Variants in SLA observed in about 807,000 individuals in gnomAD.
SLA encodes Src like adaptor.
SLA carries 16 observed loss-of-function variants against 30.3 expected under a neutral mutation model. That is an observed-to-expected ratio of 0.53 (90% CI 0.36 to 0.80). SLA has a LOEUF of 0.80. Ranked by LOEUF, SLA falls within the 30% of genes least tolerant of loss-of-function variation. The pLI is 0.01. For missense variants in SLA, 310 were observed against 345.2 expected, an observed-to-expected ratio of 0.90 and a Z score of 0.81; for synonymous variants, 143 against 137.8, an observed-to-expected ratio of 1.04 and a Z score of -0.26.
chr8:133,047,803 G>C, intron 6 of SLA, 27 bp downstream of exon 6: 1 of 1,252,082 alleles, frequency 8.0e-7, no homozygotes, highest in East Asian at 2.3e-5. Context: ...GCCCCGGATG[G>C]GGAAAGATGA....
At position 133,036,812 on chromosome 8, in the gene SLA, A is replaced by T. The variant is rs1007204877; in HGVS notation, c.*1712T>A. The stretch of plus-strand genomic sequence containing the variant: ...AAAGTGTAATGCTTCCCACTGAGAA[A>T]TCCCTCTGGGTGCTCCCCAAATGTT... On this transcript the variant is annotated 3_prime_UTR_variant, in exon 9 of 9. Coordinates refer to ENST00000338087, the MANE Select transcript of SLA (RefSeq NM_001045556.3). 1.3e-5 allele frequency: 2 copies of T among 152,666 alleles called. No homozygotes were observed. The highest frequency in any genetic ancestry group is 2.9e-5 in the Non-Finnish European group (2 of 68,052). The allele number at this position is 152,666 out of a possible 1,614,324, so 9.5% of individuals were successfully genotyped here.
intron 1 of SLA, among the ~76,000 whole-genome samples, chr8:133,086,213 T>C (rs1246913725): frequency 6.6e-6 from 1 of 152,114 alleles, no homozygotes; most frequent in Non-Finnish European, 1.5e-5. Flanking sequence ...GGGTGGAGAA[T>C]GGGGAATGAC....
chr8:133,054,999 C>T (rs1026059862), intron 3 of SLA, among the ~76,000 whole-genome samples: 6 of 152,104 alleles, frequency 3.9e-5, no homozygotes, highest in African/African-American at 1.2e-4. Flanking sequence ...ACAGAAAATA[C>T]GTGATTATTT....
chr8:133,097,117 GGCGT>G, intron 1 of SLA, among the ~76,000 whole-genome samples: 1 of 152,324 alleles, frequency 6.6e-6, no homozygotes, highest in South Asian at 2.1e-4. Context: ...GACAACTCTG[GGCGT>G]GGGTGGAGTG....
intron 5 of SLA, chr8:133,049,572 C>T (rs1488479638): frequency 9.2e-6 from 3 of 327,148 alleles, no homozygotes; most frequent in Non-Finnish European, 1.8e-5. Context: ...GGATTTGAAC[C>T]TAGACACACT....
At chr8:133,094,242 CTTTTTTT>C (rs765931953) in intron 1 of SLA, among the ~76,000 whole-genome samples, 1 of 126,574 alleles carries the variant, frequency 7.9e-6, no homozygotes, top group East Asian at 2.4e-4. Context: ...CTGTCGTTTT[CTTTTTTT>C]TTTTTTTTTT....
intron 1 of SLA, among the ~76,000 whole-genome samples, chr8:133,101,547 T>A (rs543242163): frequency 1.9e-4 from 29 of 151,906 alleles, no homozygotes; most frequent in South Asian, 1.3e-3. Flanking sequence ...TCCTGCCCCA[T>A]CTGGGGCTGA....
chr8:133,070,001 CAAAAAAAAAAAAAAA>C (rs71299047), intron 2 of SLA, among the ~76,000 whole-genome samples: 1 of 46,318 alleles, frequency 2.2e-5, no homozygotes, highest in Non-Finnish European at 3.4e-5. Context: ...GCTCCAGCTC[CAAAAAAAAAAAAAAA>C]AAAAAAAAAA....
At chr8:133,100,268 C>T (rs1849041652) in intron 1 of SLA, among the ~76,000 whole-genome samples, 1 of 152,182 alleles carries the variant, frequency 6.6e-6, no homozygotes, top group Non-Finnish European at 1.5e-5. Flanking sequence ...CCTTGCTTGA[C>T]CACTTGGATT....
chr8:133,096,272 C>T, intron 1 of SLA: 1 of 1,614,244 alleles, frequency 6.2e-7, no homozygotes, highest in East Asian at 2.2e-5. Flanking sequence ...CCTCCGTGAG[C>T]CTCCAGCCAG....
At chr8:133,050,432 A>G (rs1354019793) in intron 4 of SLA, 1 of 247,190 alleles carries the variant, frequency 4.0e-6, no homozygotes, top group Non-Finnish European at 7.9e-6. Flanking sequence ...GTAAGAGGAG[A>G]GAAGGCAAAT....
intron 1 of SLA, among the ~76,000 whole-genome samples, chr8:133,089,820 C>T (rs189639656): frequency 6.6e-6 from 1 of 152,242 alleles, no homozygotes; most frequent in African/African-American, 2.4e-5. Context: ...CATCCCTGCC[C>T]ACTCCCCCTC....
Position 133,038,507 on chromosome 8 carries a change from A to G in SLA, c.*17T>C, listed in dbSNP as rs1358990028. On this transcript the variant is annotated 3_prime_UTR_variant, in exon 9 of 9. Transcript: ENST00000338087. ...CTTCTGTTCCTTTTGGGCATGAACCATTGTGTCTGTTCTTGGCTAGTCCTC... is the reference window on the plus strand; with the variant it reads ...CTTCTGTTCCTTTTGGGCATGAACCGTTGTGTCTGTTCTTGGCTAGTCCTC... The G allele has an allele frequency of 2.5e-6, 4 of 1,575,032 alleles. No individual in the cohort carries two copies. The highest frequency in any genetic ancestry group is 2.6e-6 in the Non-Finnish European group (3 of 1,144,420).
At chr8:133,089,118 C>T (rs1847088468) in intron 1 of SLA, among the ~76,000 whole-genome samples, 1 of 152,194 alleles carries the variant, frequency 6.6e-6, no homozygotes, top group Non-Finnish European at 1.5e-5. Context: ...CTGGGTCACA[C>T]ACTACCCCTT....
At chr8:133,067,529 A>G (rs1207289193) in intron 2 of SLA, among the ~76,000 whole-genome samples, 2 of 152,152 alleles carry the variant, frequency 1.3e-5, no homozygotes, top group Admixed American at 1.3e-4. Flanking sequence ...GAATCCCAGC[A>G]TGTTGGGAGG....
At chr8:133,098,234 G>A (rs1045753104) in intron 1 of SLA, among the ~76,000 whole-genome samples, 32 of 152,140 alleles carry the variant, frequency 2.1e-4, no homozygotes, top group African/African-American at 7.5e-4. Flanking sequence ...TTCTGATCAA[G>A]CCCCTCATCA....
Position 133,102,596 on chromosome 8 carries a change from A to G in SLA, c.-362T>C, listed in dbSNP as rs1266523903. The G allele has an allele frequency of 5.2e-6, 8 of 1,550,274 alleles. No individual in the cohort carries two copies. The South Asian group carries it at 9.5e-5, about 18-fold the overall frequency. Reference sequence around the variant, plus strand: ...GCCTGAGATGTTCTCCATTCGCAGCAAATGATCTTATTTTCTGAAGTAGCA... The same window carrying G: ...GCCTGAGATGTTCTCCATTCGCAGCGAATGATCTTATTTTCTGAAGTAGCA... On this transcript the variant is annotated 5_prime_UTR_variant, in exon 1 of 9. Transcript: ENST00000338087.
intron 1 of SLA, among the ~76,000 whole-genome samples, chr8:133,085,758 T>G (rs1007113854): frequency 2.6e-5 from 4 of 152,222 alleles, no homozygotes; most frequent in African/African-American, 7.2e-5. Flanking sequence ...AAGCATTCTT[T>G]TATTGCTGGT....
At chr8:133,062,372 C>T (rs1397189062) in intron 2 of SLA, among the ~76,000 whole-genome samples, 11 of 152,238 alleles carry the variant, frequency 7.2e-5, no homozygotes, top group Admixed American at 6.5e-4. Context: ...GGCGAAGGTA[C>T]CCAAGAAATG....
Sources: gnomAD v4.1 joint callset for allele counts (sites outside exome capture counted in the v4.1 genomes callset) on GRCh38, gnomAD v4.1.1 for gene constraint, MANE v1.5 for transcripts, NCBI Gene and HGNC (gene_info 2026-07-23, HGNC 2026-07-21) for gene names.